The following RIMBP2 variants were observed in gnomAD, a reference collection of about 807,000 sequenced individuals.
RIMBP2 encodes RIMS-binding protein 2.
Under a neutral mutation model 118.6 loss-of-function variants are expected in RIMBP2, and 48 were observed. The observed-to-expected ratio is 0.40, with a 90% CI of 0.32 to 0.51. The LOEUF (loss-of-function observed/expected upper bound fraction) is 0.51, where lower values mean the gene tolerates loss of function less well. Among genes scored for constraint, RIMBP2 ranks in the 20% least tolerant of loss-of-function variants. The pLI, the probability that RIMBP2 is intolerant of heterozygous loss-of-function variation, is 0.41. For missense variants in RIMBP2, 1,551 were observed against 1,768.3 expected, an observed-to-expected ratio of 0.88 and a Z score of 2.20; for synonymous variants, 762 against 742.9, an observed-to-expected ratio of 1.03 and a Z score of -0.42.
At chr12:130,591,479 T>A (rs1034844523) in intron 2 of RIMBP2, among the ~76,000 whole-genome samples, 3 of 151,980 alleles carry the variant, frequency 2.0e-5, no homozygotes, top group Admixed American at 2.0e-4. Context: ...ACTCACCGAG[T>A]GACTTAGAAC....
Position 130,676,729 on chromosome 12 carries a change from A to G in RIMBP2, c.-352+39493T>C, listed in dbSNP as rs575331377. ...AGCAAACCACCACACAGCCCAAATC[A>G]TGGATGAGTCTCAAATGTACCATGA... is the stretch of plus-strand genomic sequence containing the variant. On this transcript the variant is annotated intron_variant, in intron 1 of 22. Transcript: ENST00000690449. Among the ~76,000 whole-genome samples, 10 of 152,318 alleles carry G rather than the reference A, an allele frequency of 6.6e-5. 1 individual carries two copies. Among genetic ancestry groups the G allele is most frequent in the African/African-American group, 2.2e-4 (9 of 41,572 alleles).
In RIMBP2 at chr12:130,703,540, G is replaced by A. The variant is rs762482343; in HGVS notation, c.-352+12682C>T. 1.3e-5 allele frequency among the ~76,000 whole-genome samples: 2 copies of A among 152,162 alleles called. No individual in the cohort carries two copies. Among genetic ancestry groups the A allele is most frequent in the African/African-American group, 4.8e-5 (2 of 41,446 alleles). On this transcript the variant is annotated intron_variant, in intron 1 of 22. Transcript: ENST00000690449. The surrounding 1 kb of genome is among the most constrained non-coding windows in gnomAD (Gnocchi z 5.7). Reference sequence around the variant, plus strand: ...ACCACCCGGTGCTCAGCTCAGGGCTGAGCCGCAGTCTGAGGGCCGGGCCCT... The same window carrying A: ...ACCACCCGGTGCTCAGCTCAGGGCTAAGCCGCAGTCTGAGGGCCGGGCCCT...
intron 2 of RIMBP2, among the ~76,000 whole-genome samples, chr12:130,559,736 G>A (rs941933287): frequency 6.6e-6 from 1 of 152,186 alleles, no homozygotes; most frequent in African/African-American, 2.4e-5. Context: ...ACCACATGCT[G>A]TAGAGACTAA....
At position 130,438,520 on chromosome 12, in the gene RIMBP2, G is replaced by A; in HGVS notation, c.1505-4C>T. On this transcript the variant is annotated splice_region_variant and splice_polypyrimidine_tract_variant and intron_variant, in intron 11 of 22. Coordinates refer to ENST00000690449, the MANE Select transcript of RIMBP2 (RefSeq NM_001393629.1). Reference sequence around the variant, plus strand: ...TCTTGTGGGGGTGCTGGGGGTCCTGGGAGGGGACAGAAGGGAACGGAGGCG... The same window carrying A: ...TCTTGTGGGGGTGCTGGGGGTCCTGAGAGGGGACAGAAGGGAACGGAGGCG... 6.3e-7 allele frequency: 1 copy of A among 1,596,152 alleles called. No homozygotes were observed. The highest frequency in any genetic ancestry group is 8.5e-7 in the Non-Finnish European group (1 of 1,170,836).
intron 4 of RIMBP2, among the ~76,000 whole-genome samples, chr12:130,483,540 C>A (rs901765268): frequency 6.6e-6 from 1 of 152,138 alleles, no homozygotes; most frequent in East Asian, 1.9e-4. Context: ...GCCAAGGAAG[C>A]CCCCCACCAA....
At chr12:130,474,082 G>C (rs1393462827) in intron 5 of RIMBP2, among the ~76,000 whole-genome samples, 1 of 152,150 alleles carries the variant, frequency 6.6e-6, no homozygotes, top group African/African-American at 2.4e-5. Context: ...ACCTACACAA[G>C]AAACTGAAAG....
rs529203386 is a variant in RIMBP2 at position 130,679,289 on chromosome 12, C to G, written c.-352+36933G>C. ...CTGGATTTGACTAATTCCCCTTTAT[C>G]CAGTACAGAGCCTGGCATAACCAAA... On this transcript the variant is annotated intron_variant, in intron 1 of 22. Coordinates refer to ENST00000690449, the MANE Select transcript of RIMBP2 (RefSeq NM_001393629.1). Among the ~76,000 whole-genome samples the G allele has an allele frequency of 6.6e-5, 10 of 152,318 alleles. No individual in the cohort carries two copies. The South Asian group carries it at 2.1e-3, about 32-fold the overall frequency.
At position 130,703,882 on chromosome 12, in the gene RIMBP2, C is replaced by T. The variant is rs567729854; in HGVS notation, c.-352+12340G>A. 6.6e-6 allele frequency among the ~76,000 whole-genome samples: 1 copy of T among 152,188 alleles called. No homozygotes were observed. The highest frequency in any genetic ancestry group is 1.9e-4 in the East Asian group (1 of 5,160). ...ACCCTGAGCCTGAGCCTGAACGCAG[C>T]GCAGAGGTCTGGGGCCCGACCACCC... On this transcript the variant is annotated intron_variant, in intron 1 of 22. Coordinates refer to ENST00000690449, the MANE Select transcript of RIMBP2 (RefSeq NM_001393629.1). This position sits in a 1 kb window ranked among gnomAD's most constrained non-coding sequence, Gnocchi z 5.7.
intron 1 of RIMBP2, among the ~76,000 whole-genome samples, chr12:130,707,727 AGT>A (rs1371049923): frequency 6.6e-6 from 1 of 152,204 alleles, no homozygotes; most frequent in African/African-American, 2.4e-5. Context: ...GCGCTGAGGC[AGT>A]GTGGCCCAGG....
At chr12:130,423,102 G>C (rs2076519705) in intron 16 of RIMBP2, among the ~76,000 whole-genome samples, 2 of 152,154 alleles carry the variant, frequency 1.3e-5, no homozygotes, top group Admixed American at 6.5e-5. Flanking sequence ...TAACATTCTA[G>C]GACTCAGACG....
At chr12:130,522,450 T>G (rs1022325660) in intron 2 of RIMBP2, among the ~76,000 whole-genome samples, 3 of 152,236 alleles carry the variant, frequency 2.0e-5, no homozygotes, top group African/African-American at 7.2e-5. Flanking sequence ...GGACGGGAAC[T>G]GGCCCTGACA....
Position 130,412,807 on chromosome 12 carries a change from T to G in RIMBP2, c.3421-20A>C. 1 of 1,602,038 alleles carries G rather than the reference T, an allele frequency of 6.2e-7. No homozygotes were observed. The highest frequency in any genetic ancestry group is 8.5e-7 in the Non-Finnish European group (1 of 1,174,214). On this transcript the variant is annotated intron_variant, in intron 18 of 22. Transcript: ENST00000690449. ...ATAAACCTAGAGCCAAGGGGGAAAA[T>G]AAATCAAGCACTGTAATTGATTGGT...
Position 130,462,220 on chromosome 12 carries a change from C to G in RIMBP2, c.154-5520G>C, listed in dbSNP as rs117676721. ...ACACAGGACGATCCCTCACTTGCTC[C>G]TGGGCCTGGGGGGTTCTGGAACTTA... On this transcript the variant is annotated intron_variant, in intron 6 of 22. Transcript: ENST00000690449. Among the ~76,000 whole-genome samples the G allele has an allele frequency of 4.6e-4, 70 of 152,328 alleles. No individual in the cohort carries two copies. In the East Asian group the frequency reaches 5.0e-3, roughly 11 times the overall value.
Position 130,442,295 on chromosome 12 carries a change from C to A in RIMBP2, c.1057G>T (p.Val353Leu). ...WGTVSSYNVL[V>L]DKETRMNLTL... ...AGGTTCATGCGTGTCTCCTTGTCCA[C>A]CAGGACGTTGTAGCTGCTCACCGTT... Residue 353 changes from valine (V) to leucine (L), a missense_variant, in exon 11 of 23, where the codon GTG (valine) becomes TTG (leucine). Around this residue, in one of 5 missense-constraint regions of RIMBP2, gnomAD observed 265 missense variants for 349.5 expected, o/e 0.76. Coordinates refer to ENST00000690449, the MANE Select transcript of RIMBP2 (RefSeq NM_001393629.1). This position sits in a 1 kb window ranked among gnomAD's most constrained non-coding sequence, Gnocchi z 6.9. The A allele has an allele frequency of 6.2e-7, 1 of 1,614,202 alleles. No individual in the cohort carries two copies. Among genetic ancestry groups the A allele is most frequent in the Non-Finnish European group, 8.5e-7 (1 of 1,180,044 alleles).
chr12:130,502,505 G>A (rs2049897840), intron 4 of RIMBP2, among the ~76,000 whole-genome samples: 1 of 151,870 alleles, frequency 6.6e-6, no homozygotes, highest in South Asian at 2.1e-4. Flanking sequence ...CAGGCCCTCT[G>A]CACTCCCCCT....
chr12:130,606,612 C>A (rs1048256060), intron 2 of RIMBP2, among the ~76,000 whole-genome samples: 8 of 152,140 alleles, frequency 5.3e-5, no homozygotes, highest in African/African-American at 1.2e-4. Context: ...TTAGTGGCTT[C>A]CATCCAAACC....
intron 2 of RIMBP2, among the ~76,000 whole-genome samples, chr12:130,624,045 G>T (rs555772741): frequency 1.4e-4 from 22 of 152,306 alleles, no homozygotes; most frequent in African/African-American, 5.1e-4. Flanking sequence ...TCTTGGGCTT[G>T]CTCTAGGAGA....
At chr12:130,530,686 A>C (rs2053278121) in intron 2 of RIMBP2, among the ~76,000 whole-genome samples, 1 of 152,202 alleles carries the variant, frequency 6.6e-6, no homozygotes, top group African/African-American at 2.4e-5. Flanking sequence ...AAAGCAATGA[A>C]AAATATTTGA....
intron 1 of RIMBP2, among the ~76,000 whole-genome samples, chr12:130,635,439 G>C (rs933709048): frequency 2.0e-5 from 3 of 152,194 alleles, no homozygotes; most frequent in Non-Finnish European, 4.4e-5. Flanking sequence ...GCTGGACTCT[G>C]CTGTGGTTAC....
Sources: allele counts gnomAD v4.1 joint callset (sites outside exome capture counted in the v4.1 genomes callset), GRCh38; gene constraint gnomAD v4.1.1; regional missense constraint gnomAD v4.1.1; non-coding constraint Gnocchi (gnomAD v3.1); transcripts MANE v1.5; gene names NCBI Gene and HGNC (gene_info 2026-07-23, HGNC 2026-07-21).